The following SP4 variants were observed in gnomAD, a reference collection of about 807,000 sequenced individuals.
The protein encoded by SP4 is transcription factor Sp4.
A neutral mutation model predicts 72.8 loss-of-function variants in SP4; 19 were observed. That is an observed-to-expected ratio of 0.26 (90% CI 0.18 to 0.38). SP4 has a LOEUF of 0.38. SP4 is among the 10% of genes least tolerant of loss of function. The pLI, the probability that SP4 is intolerant of heterozygous loss-of-function variation, is 1.00. For missense variants in SP4, 1,008 were observed against 926.3 expected (o/e 1.09, Z -1.14); for synonymous variants, 395 against 333.1 (o/e 1.19, Z -2.02).
At chr7:21,484,712 A>G (rs1784768348) in intron 5 of SP4, among the ~76,000 whole-genome samples, 1 of 151,884 alleles carries the variant, frequency 6.6e-6, no homozygotes, top group Non-Finnish European at 1.5e-5. Context: ...AGTGGGATAA[A>G]TTAGGGAAGC....
At chr7:21,450,000 A>G (rs1783542141) in intron 3 of SP4, among the ~76,000 whole-genome samples, 1 of 151,924 alleles carries the variant, frequency 6.6e-6, no homozygotes, top group Non-Finnish European at 1.5e-5. Context: ...AAAATTTAAT[A>G]TAGTTATTTA....
intron 3 of SP4, among the ~76,000 whole-genome samples, chr7:21,433,713 G>C (rs962291841): frequency 6.6e-6 from 1 of 152,208 alleles, no homozygotes. Context: ...GGTCAAGGCA[G>C]GTGGATCACC....
At chr7:21,504,203 C>T (rs1781937619) in intron 5 of SP4, among the ~76,000 whole-genome samples, 1 of 152,168 alleles carries the variant, frequency 6.6e-6, no homozygotes, top group Admixed American at 6.5e-5. Flanking sequence ...TGAACTATGG[C>T]TACCTCTGCT....
chr7:21,428,841 G>A, intron 2 of SP4, 49 bp downstream of exon 2: 1 of 1,409,430 alleles, frequency 7.1e-7, no homozygotes, highest in Middle Eastern at 1.8e-4. Context: ...TTAGGAGAGA[G>A]AGGGAGTTAT....
chr7:21,439,810 A>G (rs1298214866), intron 3 of SP4, among the ~76,000 whole-genome samples: 1 of 152,114 alleles, frequency 6.6e-6, no homozygotes, highest in African/African-American at 2.4e-5. Context: ...AGGCAGGAGG[A>G]TTGCTTGAAC....
chr7:21,440,279 AT>A (rs750004775), intron 3 of SP4, among the ~76,000 whole-genome samples: 71 of 152,214 alleles, frequency 4.7e-4, no homozygotes, highest in Middle Eastern at 3.4e-3. Context: ...AGTCTCAAAG[AT>A]TAGGTAAGTT....
rs1434658899 is a variant in SP4 at position 21,429,765 on chromosome 7, T to A, written c.600T>A (p.Ser200=). ...TGCAGGGTCAAATTCAGCTCATTTC[T>A]GCAGGTAATAATCAAGCTATACTCA... The part of the protein sequence containing the change: ...QDLQGQIQLI[S]AGNNQAILTA... Residue 200 remains serine (S), a synonymous_variant, in exon 3 of 6, where the codon TCT becomes TCA. Coordinates refer to ENST00000222584, the MANE Select transcript of SP4 (RefSeq NM_003112.5). 3.1e-6 allele frequency: 5 copies of A among 1,614,176 alleles called. No individual in the cohort carries two copies. The highest frequency in any genetic ancestry group is 3.4e-6 in the Non-Finnish European group (4 of 1,180,004).
intron 3 of SP4, among the ~76,000 whole-genome samples, chr7:21,441,400 A>G (rs1755077627): frequency 6.6e-6 from 1 of 152,214 alleles, no homozygotes; most frequent in Admixed American, 6.5e-5. Flanking sequence ...CTCACAGAGT[A>G]GCTCAGGGTT....
intron 3 of SP4, among the ~76,000 whole-genome samples, chr7:21,475,812 A>G (rs2128408987): frequency 6.6e-6 from 1 of 152,344 alleles, no homozygotes; most frequent in South Asian, 2.1e-4. Flanking sequence ...ATTCCGTGCC[A>G]GCACTCTGGT....
intron 5 of SP4, among the ~76,000 whole-genome samples, chr7:21,503,649 T>C (rs369040576): frequency 1.3e-5 from 2 of 152,302 alleles, no homozygotes; most frequent in South Asian, 2.1e-4. Context: ...GCAGTGGCTG[T>C]TGGAAGGGGA....
intron 3 of SP4, among the ~76,000 whole-genome samples, chr7:21,452,237 G>A (rs1562595775): frequency 6.6e-6 from 1 of 152,182 alleles, no homozygotes; most frequent in Non-Finnish European, 1.5e-5. Context: ...CTTTAGTTCT[G>A]TTATACTTGG....
chr7:21,469,101 G>A (rs999144883), intron 3 of SP4, among the ~76,000 whole-genome samples: 1 of 152,034 alleles, frequency 6.6e-6, no homozygotes, highest in Non-Finnish European at 1.5e-5. Flanking sequence ...CTTATAATAA[G>A]TATTTGGAAA....
rs9639376 is a variant in SP4, at chr7:21,439,219, A to G, written c.1678+8376A>G. Among the ~76,000 whole-genome samples, 13 of 152,312 alleles carry G rather than the reference A, an allele frequency of 8.5e-5. No individual in the cohort carries two copies. In the East Asian group the frequency reaches 1.2e-3, roughly 14 times the overall value. ...TTTCTTGAGTGGAAATTAGAGAACA[A>G]TTGGAAAATCTAGGATCCTAAAAGA... is the stretch of plus-strand genomic sequence containing the variant. On this transcript the variant is annotated intron_variant, in intron 3 of 5. Coordinates refer to ENST00000222584, the MANE Select transcript of SP4 (RefSeq NM_003112.5).
At chr7:21,456,124 T>G (rs1226317597) in intron 3 of SP4, among the ~76,000 whole-genome samples, 1 of 152,140 alleles carries the variant, frequency 6.6e-6, no homozygotes, top group Admixed American at 6.5e-5. Flanking sequence ...TTATTGGCCC[T>G]CTTGACCTAA....
chr7:21,457,255 T>TA (rs2128400621), intron 3 of SP4, among the ~76,000 whole-genome samples: 1 of 152,342 alleles, frequency 6.6e-6, no homozygotes, highest in South Asian at 2.1e-4. Context: ...TGCCAACTCT[T>TA]ATACTTGGTC....
At chr7:21,449,645 C>T (rs1783531070) in intron 3 of SP4, among the ~76,000 whole-genome samples, 1 of 152,134 alleles carries the variant, frequency 6.6e-6, no homozygotes, top group Non-Finnish European at 1.5e-5. Flanking sequence ...TGGAAGATGA[C>T]AAATTCTCAT....
chr7:21,439,576 T>A (rs1300822900), intron 3 of SP4, among the ~76,000 whole-genome samples: 2 of 151,550 alleles, frequency 1.3e-5, no homozygotes, highest in Non-Finnish European at 2.9e-5. Context: ...GCTCAGAATA[T>A]CTGGTACAAA....
At chr7:21,441,779 C>T (rs1783251809) in intron 3 of SP4, among the ~76,000 whole-genome samples, 1 of 152,068 alleles carries the variant, frequency 6.6e-6, no homozygotes, top group South Asian at 2.1e-4. Context: ...ACACTGGTGA[C>T]GTGAAAGACA....
chr7:21,497,588 C>G (rs1299814222), intron 5 of SP4, among the ~76,000 whole-genome samples: 1 of 152,150 alleles, frequency 6.6e-6, no homozygotes, highest in Non-Finnish European at 1.5e-5. Context: ...TGGTTTTGCT[C>G]TTGCCCCCTC....
Sources: allele counts gnomAD v4.1 joint callset (sites outside exome capture counted in the v4.1 genomes callset), GRCh38; gene constraint gnomAD v4.1.1; transcripts MANE v1.5; gene names NCBI Gene and HGNC (gene_info 2026-07-23, HGNC 2026-07-21).